Variants in PTPRD observed in about 807,000 individuals in gnomAD.
PTPRD encodes protein tyrosine phosphatase receptor type D.
A neutral mutation model predicts 214.5 loss-of-function variants in PTPRD; 34 were observed. The observed-to-expected ratio is 0.16, with a 90% CI of 0.12 to 0.21. PTPRD has a LOEUF of 0.21. Among genes scored for constraint, PTPRD ranks in the 10% least tolerant of loss-of-function variants. The pLI is 1.00. For synonymous variants in PTPRD, 1,128 were observed against 845.7 expected (o/e 1.33, Z -5.79); for missense variants, 2,545 against 2,398.7 (o/e 1.06, Z -1.27).
intron 3 of PTPRD, among the ~76,000 whole-genome samples, chr9:10,223,046 G>A (rs1165586236): frequency 6.6e-6 from 1 of 151,928 alleles, no homozygotes; most frequent in Non-Finnish European, 1.5e-5. Flanking sequence ...AGAAAATAAA[G>A]AGGCTTATTT....
At position 9,534,721 on chromosome 9, in the gene PTPRD, G is replaced by T. The variant is rs541472766; in HGVS notation, c.-237+40011C>A. Among the ~76,000 whole-genome samples, 64 of 152,186 alleles carry T rather than the reference G, an allele frequency of 4.2e-4. 1 individual carries two copies. The South Asian group carries it at 0.013, about 31-fold the overall frequency. On this transcript the variant is annotated intron_variant, in intron 8 of 45. Coordinates refer to ENST00000381196, the MANE Select transcript of PTPRD (RefSeq NM_002839.4). Reference sequence around the variant, plus strand: ...AATGCCAGTTCATAAATAGGGTAGAGAAAAGTGGAAACCTCCCTGGAATCA... The same window carrying T: ...AATGCCAGTTCATAAATAGGGTAGATAAAAGTGGAAACCTCCCTGGAATCA...
At chr9:8,943,166 T>C (rs1463951630) in intron 11 of PTPRD, among the ~76,000 whole-genome samples, 2 of 152,158 alleles carry the variant, frequency 1.3e-5, no homozygotes, top group Non-Finnish European at 2.9e-5. Context: ...TCTATGTTCA[T>C]GGATTGAAAG....
At chr9:9,614,306 A>G (rs2094719016) in intron 7 of PTPRD, among the ~76,000 whole-genome samples, 1 of 152,178 alleles carries the variant, frequency 6.6e-6, no homozygotes, top group African/African-American at 2.4e-5. Context: ...CAGCAGTTCA[A>G]CTAACTTCAT....
chr9:10,428,127 C>T (rs1486392917), intron 2 of PTPRD, among the ~76,000 whole-genome samples: 1 of 151,754 alleles, frequency 6.6e-6, no homozygotes, highest in African/African-American at 2.4e-5. Context: ...CCAGCCTGGC[C>T]AACATGGTGA....
chr9:9,361,540 A>G lies in PTPRD; in HGVS notation c.-203+35909T>C, dbSNP rs77975661. Reference sequence around the variant, plus strand: ...ACTGTTGATCTTTTTTTTTATTGATACATAACAGAGGTACATGTTTTTGGT... The same window carrying G: ...ACTGTTGATCTTTTTTTTTATTGATGCATAACAGAGGTACATGTTTTTGGT... On this transcript the variant is annotated intron_variant, in intron 9 of 45. Transcript: ENST00000381196. 6.1e-3 allele frequency among the ~76,000 whole-genome samples: 914 copies of G among 151,058 alleles called. 5 individuals are homozygous for G. Among genetic ancestry groups the G allele is most frequent in the African/African-American group, 0.021 (885 of 41,380 alleles).
At chr9:10,173,978 T>C (rs2099229247) in intron 3 of PTPRD, among the ~76,000 whole-genome samples, 2 of 152,146 alleles carry the variant, frequency 1.3e-5, no homozygotes, top group South Asian at 4.1e-4. Flanking sequence ...TGTGCAGAAA[T>C]AAATGCCAGC....
intron 4 of PTPRD, among the ~76,000 whole-genome samples, chr9:9,971,229 T>C (rs1380475449): frequency 6.6e-6 from 1 of 152,172 alleles, no homozygotes; most frequent in African/African-American, 2.4e-5. Flanking sequence ...TTTTAAGTAG[T>C]AATTCTTCAG....
intron 9 of PTPRD, among the ~76,000 whole-genome samples, chr9:9,257,125 C>T (rs776784263): frequency 4.6e-5 from 7 of 151,728 alleles, no homozygotes; most frequent in Non-Finnish European, 1.0e-4. Context: ...GAAAGGGCAC[C>T]TAGAGATGAT....
chr9:8,532,705 T>G lies in PTPRD; in HGVS notation c.353-3926A>C, dbSNP rs559311829. ...CAACCATTTAAATCAGACTTGACCT[T>G]CACAAAGCCATTTGTTCTGTCATTT... On this transcript the variant is annotated intron_variant, in intron 14 of 45. Transcript: ENST00000381196. 2.0e-5 allele frequency among the ~76,000 whole-genome samples: 3 copies of G among 152,158 alleles called. No homozygotes were observed. The South Asian group carries it at 6.2e-4, about 32-fold the overall frequency.
intron 11 of PTPRD, among the ~76,000 whole-genome samples, chr9:8,900,709 G>A (rs764540028): frequency 6.6e-6 from 1 of 152,134 alleles, no homozygotes; most frequent in Non-Finnish European, 1.5e-5. Context: ...AAAATGCTGA[G>A]AAAGACAGTC....
chr9:9,441,467 T>C (rs2087762391), intron 8 of PTPRD, among the ~76,000 whole-genome samples: 2 of 152,054 alleles, frequency 1.3e-5, no homozygotes, highest in Non-Finnish European at 2.9e-5. Flanking sequence ...AGTATTTGAG[T>C]TCAGCTGGAG....
At chr9:9,990,206 A>G (rs1245627531) in intron 4 of PTPRD, among the ~76,000 whole-genome samples, 1 of 152,166 alleles carries the variant, frequency 6.6e-6, no homozygotes. Context: ...GGGCAACTGA[A>G]GGTGTTGGCC....
intron 11 of PTPRD, among the ~76,000 whole-genome samples, chr9:8,836,779 T>C (rs1601443186): frequency 6.6e-6 from 1 of 151,308 alleles, no homozygotes; most frequent in Admixed American, 6.6e-5. Context: ...TGTATTTTTA[T>C]TAGAGATGGG....
chr9:9,245,880 G>A (rs1489083082), intron 9 of PTPRD, among the ~76,000 whole-genome samples: 1 of 152,052 alleles, frequency 6.6e-6, no homozygotes, highest in African/African-American at 2.4e-5. Flanking sequence ...GATATTATAG[G>A]TGAAATGTGA....
chr9:8,845,798 C>A (rs144742277), intron 11 of PTPRD, among the ~76,000 whole-genome samples: 1 of 152,210 alleles, frequency 6.6e-6, no homozygotes, highest in East Asian at 1.9e-4. Context: ...GCAGTTCCTA[C>A]GGCTCTTGCT....
intron 5 of PTPRD, among the ~76,000 whole-genome samples, chr9:9,837,006 GA>G (rs894934999): frequency 2.6e-4 from 40 of 152,264 alleles, no homozygotes; most frequent in African/African-American, 8.9e-4. Flanking sequence ...AAACATAAGT[GA>G]ATGCATGAAA....
At chr9:8,440,088 C>T (rs1297848382) in intron 34 of PTPRD, among the ~76,000 whole-genome samples, 1 of 151,492 alleles carries the variant, frequency 6.6e-6, no homozygotes, top group Non-Finnish European at 1.5e-5. Flanking sequence ...GGGCCTATAA[C>T]TCCATTTATT....
chr9:9,625,490 T>C (rs991441346), intron 7 of PTPRD, among the ~76,000 whole-genome samples: 2 of 152,090 alleles, frequency 1.3e-5, no homozygotes, highest in African/African-American at 4.8e-5. Flanking sequence ...GATTGGACCG[T>C]ACCACCCCAA....
At chr9:8,870,210 T>A (rs2098271682) in intron 11 of PTPRD, among the ~76,000 whole-genome samples, 1 of 150,476 alleles carries the variant, frequency 6.6e-6, no homozygotes, top group Admixed American at 6.6e-5. Context: ...TAGAACAGCA[T>A]AATAGCTACT....
Sources: allele counts gnomAD v4.1 joint callset (sites outside exome capture counted in the v4.1 genomes callset), GRCh38; gene constraint gnomAD v4.1.1; transcripts MANE v1.5; gene names NCBI Gene and HGNC (gene_info 2026-07-23, HGNC 2026-07-21).